The following ANK3 variants were observed in gnomAD, a reference collection of about 807,000 sequenced individuals.
The protein encoded by ANK3 is ankyrin-3.
A neutral mutation model predicts 370.9 loss-of-function variants in ANK3; 57 were observed. The observed-to-expected ratio is 0.15, with a 90% CI of 0.12 to 0.19. The LOEUF is 0.19. Among genes scored for constraint, ANK3 ranks in the 10% least tolerant of loss-of-function variants. ANK3 has a pLI of 1.00. For synonymous variants in ANK3, 1,929 were observed against 1,946.3 expected, an observed-to-expected ratio of 0.99 and a Z score of 0.23; for missense variants, 4,439 against 5,302.1, an observed-to-expected ratio of 0.84 and a Z score of 5.06.
chr10:60,711,283 T>C (rs2079701754), intron 1 of ANK3, among the ~76,000 whole-genome samples: 1 of 152,134 alleles, frequency 6.6e-6, no homozygotes, highest in Admixed American at 6.5e-5. Context: ...ATTGGATTAT[T>C]ACACATTGCA....
intron 1 of ANK3, among the ~76,000 whole-genome samples, chr10:60,372,526 T>TA (rs552714405): frequency 2.2e-3 from 329 of 152,146 alleles, no homozygotes; most frequent in Non-Finnish European, 3.4e-3. Context: ...GACAGGGTGC[T>TA]AGGTTTAGTC....
In ANK3 at chr10:60,606,885, A is replaced by G. The variant is rs117179246; in HGVS notation, c.96+8301T>C. 3.4e-3 allele frequency among the ~76,000 whole-genome samples: 522 copies of G among 152,270 alleles called. 1 individual carries two copies. The highest frequency in any genetic ancestry group is 4.7e-3 in the Non-Finnish European group (319 of 68,036). ...ATCAACAGCTAAGTCTACTAGCAAAATGTGACTCTCACTGCTCCCCAGATC... is the reference window on the plus strand; with the variant it reads ...ATCAACAGCTAAGTCTACTAGCAAAGTGTGACTCTCACTGCTCCCCAGATC... On this transcript the variant is annotated intron_variant, in intron 2 of 43. Transcript: ENST00000373827.
At chr10:60,432,393 T>C (rs4072838) in intron 2 of ANK3, among the ~76,000 whole-genome samples, 56,173 of 152,028 alleles carry the variant, frequency 0.37, 10,712 homozygotes, top group South Asian at 0.44. Context: ...ACAAAGGTAT[T>C]CTCTGAAGGA....
chr10:60,626,591 C>T (rs910045367), intron 1 of ANK3, among the ~76,000 whole-genome samples: 4 of 152,168 alleles, frequency 2.6e-5, no homozygotes, highest in African/African-American at 9.7e-5. Flanking sequence ...ATTCTCCTCA[C>T]AGCCAGTTGA....
At chr10:60,200,347 T>A (rs755480515) in intron 12 of ANK3, 120 bp from the exon 13 acceptor site, 13 of 761,570 alleles carry the variant, frequency 1.7e-5, no homozygotes, top group Non-Finnish European at 3.0e-5. Context: ...AAGCACTTCC[T>A]TATTGAAAAG....
At chr10:60,528,137 CTTTTT>C (rs10677013) in intron 2 of ANK3, among the ~76,000 whole-genome samples, 1 of 111,054 alleles carries the variant, frequency 9.0e-6, no homozygotes. Flanking sequence ...TCTTCTTCTT[CTTTTT>C]TTTTTTTTTT....
intron 23 of ANK3, chr10:60,144,091 C>T (rs2094697423): frequency 6.4e-6 from 2 of 311,524 alleles, no homozygotes; most frequent in Admixed American, 9.6e-5. Flanking sequence ...GTTCCTCCAC[C>T]TCAGCTGCTG....
intron 1 of ANK3, among the ~76,000 whole-genome samples, chr10:60,363,104 G>C (rs1015229406): frequency 6.6e-6 from 1 of 151,730 alleles, no homozygotes; most frequent in Non-Finnish European, 1.5e-5. Flanking sequence ...GGCGGGGGGC[G>C]CAATACAACA....
intron 1 of ANK3, among the ~76,000 whole-genome samples, chr10:60,287,489 G>C (rs2040283885): frequency 1.3e-5 from 2 of 152,264 alleles, no homozygotes; most frequent in Admixed American, 1.3e-4. Flanking sequence ...AGAAAGTCAA[G>C]ATAAGGAAAA....
intron 2 of ANK3, among the ~76,000 whole-genome samples, chr10:60,422,089 T>C (rs1461954689): frequency 6.6e-6 from 1 of 152,116 alleles, no homozygotes; most frequent in Non-Finnish European, 1.5e-5. Flanking sequence ...AAGAAGTCTA[T>C]TTGCAGACTC....
intron 2 of ANK3, among the ~76,000 whole-genome samples, chr10:60,601,170 A>AAGGCACAC (rs367892273): frequency 9.3e-4 from 131 of 140,180 alleles, no homozygotes; most frequent in Middle Eastern, 3.6e-3. Flanking sequence ...ACATTTATAC[A>AAGGCACAC]ACGCACACAC....
At chr10:60,529,897 T>A (rs1441478197) in intron 2 of ANK3, among the ~76,000 whole-genome samples, 1 of 152,184 alleles carries the variant, frequency 6.6e-6, no homozygotes, top group African/African-American at 2.4e-5. Context: ...CATTAATATT[T>A]TTGGATATTG....
intron 1 of ANK3, among the ~76,000 whole-genome samples, chr10:60,280,387 T>C (rs2098143133): frequency 6.6e-6 from 1 of 152,194 alleles, no homozygotes; most frequent in South Asian, 2.1e-4. Context: ...GTCTAACAGA[T>C]ATTTGCAGGC....
At position 60,658,004 on chromosome 10, in the gene ANK3, T is replaced by C. The variant is rs547214466; in HGVS notation, c.58-42780A>G. ...ATTTTACTCCTTATCTTGAAGTCTA[T>C]AGCCATTCCAACTTTTTTTTTTTTT... On this transcript the variant is annotated intron_variant, in intron 1 of 43. Coordinates refer to the ANK3 transcript ENST00000373827. 8.9e-5 allele frequency among the ~76,000 whole-genome samples: 12 copies of C among 134,524 alleles called. No individual in the cohort carries two copies. The South Asian group carries it at 2.6e-3, about 29-fold the overall frequency. 88.3% of individuals were successfully genotyped at this position (134,524 alleles called of 152,430 possible). A position where few individuals can be genotyped will look rare whatever the true frequency, so the allele number is the denominator to read the frequency against.
chr10:60,671,731 T>C (rs1349918115), intron 1 of ANK3, among the ~76,000 whole-genome samples: 1 of 152,204 alleles, frequency 6.6e-6, no homozygotes, highest in Non-Finnish European at 1.5e-5. Context: ...TCCATCTTAC[T>C]CTCTAGGACC....
At chr10:60,458,021 C>G (rs1411894062) in intron 2 of ANK3, among the ~76,000 whole-genome samples, 1 of 152,018 alleles carries the variant, frequency 6.6e-6, no homozygotes, top group African/African-American at 2.4e-5. Flanking sequence ...ATCTTTTTCA[C>G]CCTTTTTATA....
intron 26 of ANK3, among the ~76,000 whole-genome samples, chr10:60,113,606 A>C (rs948042809): frequency 6.6e-6 from 1 of 152,196 alleles, no homozygotes; most frequent in African/African-American, 2.4e-5. Flanking sequence ...GGTGCTCAAG[A>C]AACTGAGGTG....
chr10:60,284,332 C>T (rs1339569055), intron 1 of ANK3, among the ~76,000 whole-genome samples: 1 of 152,104 alleles, frequency 6.6e-6, no homozygotes, highest in African/African-American at 2.4e-5. Context: ...TTAAGCCACC[C>T]AGTTTGTGGT....
intron 2 of ANK3, among the ~76,000 whole-genome samples, chr10:60,430,072 T>C (rs1480294717): frequency 2.0e-5 from 3 of 152,234 alleles, no homozygotes; most frequent in African/African-American, 7.2e-5. Flanking sequence ...GAAATTTTAC[T>C]TGAGCTTTTT....
Sources: gnomAD v4.1 joint callset for allele counts (sites outside exome capture counted in the v4.1 genomes callset) on GRCh38, gnomAD v4.1.1 for gene constraint, MANE v1.5 for transcripts, NCBI Gene and HGNC (gene_info 2026-07-23, HGNC 2026-07-21) for gene names.